Variants in EFNA5 observed in about 807,000 individuals in gnomAD.
EFNA5 encodes ephrin A5.
Under a neutral mutation model 22.9 loss-of-function variants are expected in EFNA5, and 5 were observed. The ratio of observed to expected loss-of-function variants is 0.22; its 90% CI spans 0.11 to 0.46. The LOEUF (loss-of-function observed/expected upper bound fraction) is 0.46. EFNA5 is among the 20% of genes least tolerant of loss of function. The pLI, the probability that EFNA5 is intolerant of heterozygous loss-of-function variation, is 0.99. For missense variants in EFNA5, 237 were observed against 293.3 expected (o/e 0.81, Z 1.40); for synonymous variants, 113 against 112.2 (o/e 1.01, Z -0.04).
chr5:107,646,290 CTG>C (rs1321447631), intron 1 of EFNA5, among the ~76,000 whole-genome samples: 1 of 152,050 alleles, frequency 6.6e-6, no homozygotes, highest in Non-Finnish European at 1.5e-5. Context: ...TTATTTCACT[CTG>C]TATATCAAAA....
intron 1 of EFNA5, among the ~76,000 whole-genome samples, chr5:107,555,734 C>A (rs1403636993): frequency 6.6e-6 from 1 of 152,126 alleles, no homozygotes; most frequent in Admixed American, 6.6e-5. Context: ...AATCTCAAGC[C>A]AAAAATAATG....
intron 1 of EFNA5, among the ~76,000 whole-genome samples, chr5:107,576,986 C>T (rs975583143): frequency 6.6e-6 from 1 of 152,160 alleles, no homozygotes; most frequent in Non-Finnish European, 1.5e-5. Context: ...AACTTGCCCA[C>T]CTATCTCAGC....
intron 1 of EFNA5, among the ~76,000 whole-genome samples, chr5:107,566,226 T>C (rs1185734726): frequency 6.6e-6 from 1 of 152,210 alleles, no homozygotes; most frequent in Non-Finnish European, 1.5e-5. Flanking sequence ...ACTCACTATT[T>C]TTCATGTATA....
intron 1 of EFNA5, among the ~76,000 whole-genome samples, chr5:107,629,001 A>C (rs1278802031): frequency 1.3e-5 from 2 of 152,186 alleles, no homozygotes; most frequent in Non-Finnish European, 2.9e-5. Context: ...CGGCATCCTA[A>C]GTGATTTTCC....
chr5:107,453,391 C>A (rs17533581), intron 1 of EFNA5, among the ~76,000 whole-genome samples: 3,385 of 152,064 alleles, frequency 0.022, 61 homozygotes, highest in Non-Finnish European at 0.034. Flanking sequence ...TGTATTATTA[C>A]CAACTGGGTC....
intron 1 of EFNA5, among the ~76,000 whole-genome samples, chr5:107,669,867 T>A (rs538065420): frequency 2.6e-5 from 4 of 152,010 alleles, no homozygotes; most frequent in South Asian, 4.2e-4. Context: ...TCCTCTCCAC[T>A]GCCAGGCGCG....
chr5:107,397,865 G>C (rs993148239), intron 2 of EFNA5, among the ~76,000 whole-genome samples: 1 of 152,122 alleles, frequency 6.6e-6, no homozygotes, highest in African/African-American at 2.4e-5. Flanking sequence ...TGATTGAGTG[G>C]AGAAAAGGAC....
intron 2 of EFNA5, among the ~76,000 whole-genome samples, chr5:107,393,949 G>A (rs983628147): frequency 2.0e-5 from 3 of 152,188 alleles, no homozygotes; most frequent in African/African-American, 7.2e-5. Flanking sequence ...AAAGCCATAT[G>A]GACTTGGAAA....
chr5:107,400,941 C>T (rs977676832), intron 2 of EFNA5, among the ~76,000 whole-genome samples: 1 of 152,094 alleles, frequency 6.6e-6, no homozygotes, highest in East Asian at 1.9e-4. Flanking sequence ...TCCCAGAAAC[C>T]TTAGTTTAGC....
At chr5:107,667,719 T>A (rs1464411001) in intron 1 of EFNA5, among the ~76,000 whole-genome samples, 1 of 152,206 alleles carries the variant, frequency 6.6e-6, no homozygotes, top group Non-Finnish European at 1.5e-5. Context: ...TAAAGTCCTC[T>A]ATTCTTTTTT....
intron 1 of EFNA5, among the ~76,000 whole-genome samples, chr5:107,633,295 G>A (rs1750298292): frequency 6.6e-6 from 1 of 152,224 alleles, no homozygotes; most frequent in African/African-American, 2.4e-5. Context: ...TCAAGAGCCA[G>A]GATGAGACAT....
At chr5:107,600,213 G>A (rs576709853) in intron 1 of EFNA5, among the ~76,000 whole-genome samples, 1 of 152,302 alleles carries the variant, frequency 6.6e-6, no homozygotes, top group African/African-American at 2.4e-5. Flanking sequence ...AACAAGAGAT[G>A]AATTGCAGTA....
At chr5:107,393,793 T>G (rs972226099) in intron 2 of EFNA5, among the ~76,000 whole-genome samples, 2 of 152,218 alleles carry the variant, frequency 1.3e-5, no homozygotes, top group Non-Finnish European at 2.9e-5. Context: ...CCTTTCACAA[T>G]AAATGCTGAA....
intron 1 of EFNA5, among the ~76,000 whole-genome samples, chr5:107,482,734 A>C (rs957905142): frequency 6.6e-6 from 1 of 151,856 alleles, no homozygotes; most frequent in African/African-American, 2.4e-5. Flanking sequence ...AAGTGACAAA[A>C]TGTCAGCCTC....
intron 1 of EFNA5, among the ~76,000 whole-genome samples, chr5:107,476,476 C>A (rs1750312936): frequency 6.6e-6 from 1 of 152,134 alleles, no homozygotes; most frequent in Non-Finnish European, 1.5e-5. Context: ...ACAAAATCAT[C>A]AGGTGGCTTG....
intron 1 of EFNA5, among the ~76,000 whole-genome samples, chr5:107,456,009 AAC>A (rs1227792923): frequency 6.6e-6 from 1 of 152,196 alleles, no homozygotes; most frequent in Non-Finnish European, 1.5e-5. Context: ...TTGTTTGATT[AAC>A]AGTTTTAGCT....
chr5:107,492,636 G>A (rs1167627013), intron 1 of EFNA5, among the ~76,000 whole-genome samples: 6 of 152,130 alleles, frequency 3.9e-5, no homozygotes, highest in Non-Finnish European at 8.8e-5. Context: ...AGAGAAAGAA[G>A]CCACCAGACG....
chr5:107,513,899 A>G (rs961500632), intron 1 of EFNA5, among the ~76,000 whole-genome samples: 2 of 152,184 alleles, frequency 1.3e-5, no homozygotes, highest in Admixed American at 1.3e-4. Context: ...TGATACAGTA[A>G]GAGAGGAGGA....
intron 1 of EFNA5, among the ~76,000 whole-genome samples, chr5:107,577,843 G>C (rs1157902486): frequency 1.3e-5 from 2 of 152,162 alleles, no homozygotes; most frequent in East Asian, 3.9e-4. Context: ...GCATCAGCAA[G>C]CATATTGTCT....
Sources: gnomAD v4.1 joint callset for allele counts (sites outside exome capture counted in the v4.1 genomes callset) on GRCh38, gnomAD v4.1.1 for gene constraint, MANE v1.5 for transcripts, NCBI Gene and HGNC (gene_info 2026-07-23, HGNC 2026-07-21) for gene names.